The following EXOC6B variants were observed in gnomAD, a reference collection of about 807,000 sequenced individuals.
EXOC6B encodes SEC15 homolog B.
A neutral mutation model predicts 113.5 loss-of-function variants in EXOC6B; 54 were observed. The ratio of observed to expected loss-of-function variants is 0.48; its 90% CI spans 0.38 to 0.60. EXOC6B has a LOEUF of 0.60. Among genes scored for constraint, EXOC6B ranks in the 20% least tolerant of loss-of-function variants. The pLI is 0.00. For synonymous variants in EXOC6B, 357 were observed against 339.0 expected (o/e 1.05, Z -0.58); for missense variants, 797 against 977.5 (o/e 0.82, Z 2.46).
At chr2:72,653,409 G>C (rs1309605054) in intron 6 of EXOC6B, among the ~76,000 whole-genome samples, 2 of 106,376 alleles carry the variant, frequency 1.9e-5, no homozygotes, top group Non-Finnish European at 3.6e-5. Flanking sequence ...ACTGTTGTGG[G>C]GTGGGGGGAG....
intron 20 of EXOC6B, among the ~76,000 whole-genome samples, chr2:72,277,364 C>T (rs1208185095): frequency 6.6e-6 from 1 of 152,152 alleles, no homozygotes; most frequent in African/African-American, 2.4e-5. Flanking sequence ...TTCCTCCATT[C>T]CCCCAACTTC....
At chr2:72,689,382 G>A (rs190202861) in intron 6 of EXOC6B, among the ~76,000 whole-genome samples, 231 of 152,196 alleles carry the variant, frequency 1.5e-3, no homozygotes, top group South Asian at 2.9e-3. Flanking sequence ...CACTCACAGC[G>A]CACTTCATAT....
chr2:72,307,505 T>C (rs1349961222), intron 20 of EXOC6B, among the ~76,000 whole-genome samples: 28 of 152,246 alleles, frequency 1.8e-4, no homozygotes, highest in Non-Finnish European at 2.1e-4. Context: ...CTCTTTGGTG[T>C]CTTCAAATGC....
rs191558614 is a variant in EXOC6B, at chr2:72,654,259, T to C, written c.669+63844A>G. On this transcript the variant is annotated intron_variant, in intron 6 of 21. Coordinates refer to ENST00000272427, the MANE Select transcript of EXOC6B (RefSeq NM_015189.3). The stretch of plus-strand genomic sequence containing the variant: ...TGCTGGGATTACAGGCGTGAGCCAA[T>C]GTCATGAATTTTAAGGAATGCTTTT... 4.8e-3 allele frequency among the ~76,000 whole-genome samples: 726 copies of C among 152,288 alleles called. 2 individuals are homozygous for C. The highest frequency in any genetic ancestry group is 0.017 in the African/African-American group (690 of 41,558).
intron 20 of EXOC6B, among the ~76,000 whole-genome samples, chr2:72,188,369 A>C (rs1193303355): frequency 2.0e-5 from 3 of 152,198 alleles, no homozygotes; most frequent in Non-Finnish European, 4.4e-5. Flanking sequence ...CAGTCATGGA[A>C]GCTACATAAC....
chr2:72,263,702 T>C (rs764781781), intron 20 of EXOC6B, among the ~76,000 whole-genome samples: 3 of 152,198 alleles, frequency 2.0e-5, no homozygotes, highest in Admixed American at 6.5e-5. Context: ...TAAATCATAA[T>C]GGCAGGAGTG....
chr2:72,772,714 G>A (rs1270252347), intron 1 of EXOC6B, among the ~76,000 whole-genome samples: 2 of 152,266 alleles, frequency 1.3e-5, no homozygotes, highest in East Asian at 3.9e-4. Flanking sequence ...GACTTCAGAA[G>A]AAAGCCAACC....
intron 6 of EXOC6B, among the ~76,000 whole-genome samples, chr2:72,622,238 A>G (rs2104196124): frequency 6.6e-6 from 1 of 151,354 alleles, no homozygotes; most frequent in Admixed American, 6.6e-5. Flanking sequence ...GTACAAAAAA[A>G]AAAAACTCTT....
At chr2:72,459,187 T>C (rs1169779841) in intron 18 of EXOC6B, among the ~76,000 whole-genome samples, 1 of 152,112 alleles carries the variant, frequency 6.6e-6, no homozygotes, top group Non-Finnish European at 1.5e-5. Context: ...ATAAATTAGG[T>C]ATTGATGGGA....
At chr2:72,695,964 G>A (rs1289304076) in intron 6 of EXOC6B, among the ~76,000 whole-genome samples, 2 of 151,896 alleles carry the variant, frequency 1.3e-5, no homozygotes, top group Non-Finnish European at 2.9e-5. Context: ...TAGACCAATG[G>A]CTCCGAAGTT....
intron 18 of EXOC6B, chr2:72,461,339 C>A: frequency 6.7e-6 from 1 of 148,482 alleles, no homozygotes. Context: ...GCACATGTAC[C>A]CTAAAACTTA....
chr2:72,182,711 G>C lies in EXOC6B; in HGVS notation c.2309+1364C>G, dbSNP rs144607457. On this transcript the variant is annotated intron_variant, in intron 21 of 21. Coordinates refer to ENST00000272427, the MANE Select transcript of EXOC6B (RefSeq NM_015189.3). ...AGGAATTAGTAAGCCAAGGGTCACT[G>C]TAAGGGCCAAGGATAGAGAAGGCAG... 2.9e-3 allele frequency among the ~76,000 whole-genome samples: 443 copies of C among 152,278 alleles called. 2 individuals are homozygous for C. The highest frequency in any genetic ancestry group is 0.01 in the African/African-American group (418 of 41,568).
chr2:72,200,033 A>C (rs1158400769), intron 20 of EXOC6B, among the ~76,000 whole-genome samples: 1 of 152,092 alleles, frequency 6.6e-6, no homozygotes, highest in Non-Finnish European at 1.5e-5. Context: ...AGTAGCTGGG[A>C]TTACAAGCGT....
At position 72,794,718 on chromosome 2, in the gene EXOC6B, C is replaced by CA. The variant is rs542582501; in HGVS notation, c.113+31079dup. 1.2e-3 allele frequency among the ~76,000 whole-genome samples: 189 copies of CA among 152,210 alleles called. 2 individuals are homozygous for CA. The highest frequency in any genetic ancestry group is 3.7e-3 in the Admixed American group (56 of 15,286). ...GGAATTCATAAACCTGCTCAGGAAA[C>CA]AAACGTGAACAAGTACAAATAATGA... On this transcript the variant is annotated intron_variant, in intron 1 of 21. Coordinates refer to ENST00000272427, the MANE Select transcript of EXOC6B (RefSeq NM_015189.3).
chr2:72,698,637 G>A (rs1255682822), intron 6 of EXOC6B, among the ~76,000 whole-genome samples: 3 of 152,178 alleles, frequency 2.0e-5, no homozygotes, highest in Non-Finnish European at 4.4e-5. Context: ...GCAAAAGCTT[G>A]AGAAGTTATA....
At chr2:72,313,334 T>A (rs867671786) in intron 20 of EXOC6B, among the ~76,000 whole-genome samples, 21 of 152,314 alleles carry the variant, frequency 1.4e-4, no homozygotes, top group African/African-American at 5.1e-4. Flanking sequence ...TTTACCCATC[T>A]GACAAACCTG....
intron 6 of EXOC6B, among the ~76,000 whole-genome samples, chr2:72,628,163 C>T (rs1370087554): frequency 1.3e-5 from 2 of 151,584 alleles, no homozygotes; most frequent in African/African-American, 2.4e-5. Flanking sequence ...CTTGCTCTGT[C>T]CCCCAGGCTG....
intron 18 of EXOC6B, among the ~76,000 whole-genome samples, chr2:72,451,246 G>T (rs1056106853): frequency 6.6e-6 from 1 of 152,116 alleles, no homozygotes; most frequent in Non-Finnish European, 1.5e-5. Flanking sequence ...CCTTACAAAA[G>T]GTTCATGTCA....
At chr2:72,591,838 C>T (rs1214544302) in intron 6 of EXOC6B, among the ~76,000 whole-genome samples, 2 of 151,686 alleles carry the variant, frequency 1.3e-5, no homozygotes, top group African/African-American at 4.8e-5. Flanking sequence ...ATAAAAAGGG[C>T]AAACTAAAGG....
Sources: gnomAD v4.1 joint callset for allele counts (sites outside exome capture counted in the v4.1 genomes callset) on GRCh38, gnomAD v4.1.1 for gene constraint, MANE v1.5 for transcripts, NCBI Gene and HGNC (gene_info 2026-07-23, HGNC 2026-07-21) for gene names.